The following CATSPERE variants were observed in gnomAD, a reference collection of about 807,000 sequenced individuals.
CATSPERE encodes cation channel sperm-associated auxiliary subunit epsilon.
Under a neutral mutation model 114.1 loss-of-function variants are expected in CATSPERE, and 93 were observed. The ratio of observed to expected loss-of-function variants is 0.81; its 90% CI spans 0.69 to 0.97. The LOEUF (loss-of-function observed/expected upper bound fraction) is 0.97. CATSPERE is among the 50% of genes least tolerant of loss of function. The pLI is 0.00. For missense variants in CATSPERE, 1,058 were observed against 1,131.6 expected (o/e 0.93, Z 0.93); for synonymous variants, 341 against 384.1 (o/e 0.89, Z 1.31).
chr1:244,535,216 T>G (rs3123464), intron 8 of CATSPERE, among the ~76,000 whole-genome samples: 132,511 of 151,984 alleles, frequency 0.87, 58,693 homozygotes, highest in East Asian at 1. Flanking sequence ...CAGACCTGAA[T>G]CTTGCATAGC....
At chr1:244,556,456 A>ATT (rs1168454658) in intron 9 of CATSPERE, among the ~76,000 whole-genome samples, 2 of 152,216 alleles carry the variant, frequency 1.3e-5, no homozygotes, top group African/African-American at 4.8e-5. Context: ...ACTAATTAAA[A>ATT]GGCAGAGATT....
chr1:244,582,644 C>T (rs190074376), intron 12 of CATSPERE, among the ~76,000 whole-genome samples: 13 of 152,166 alleles, frequency 8.5e-5, no homozygotes, highest in East Asian at 1.9e-4. Context: ...TCAGGTGATC[C>T]GCCCACCTTG....
upstream of CATSPERE, among the ~76,000 whole-genome samples, chr1:244,453,280 A>G (rs1665792395): frequency 6.6e-6 from 1 of 152,230 alleles, no homozygotes; most frequent in Admixed American, 6.5e-5. Flanking sequence ...TGCCCGAGGT[A>G]GTGTTGGGCA....
Position 244,490,458 on chromosome 1 carries a change from A to G in CATSPERE, c.338A>G (p.Asn113Ser). ...CTTTTTCCAAGCAGACATTTCTTTAACAACTTTACCCAGGTAAAATATTTT... is the reference window on the plus strand; with the variant it reads ...CTTTTTCCAAGCAGACATTTCTTTAGCAACTTTACCCAGGTAAAATATTTT... The part of the protein sequence containing the change: ...LWYYRVRHFF[N>S]NFTQLITVWA... Residue 113 changes from asparagine to serine, a missense_variant, in exon 6 of 22, where the codon AAC (asparagine) becomes AGC (serine). Asn to Ser is a conservative substitution (Grantham distance 46). This residue lies in a region of CATSPERE where 271 missense variants were observed against 225.9 expected (regional missense o/e 1.20). Coordinates refer to ENST00000366534, the MANE Select transcript of CATSPERE (RefSeq NM_001130957.2). 6.5e-7 allele frequency: 1 copy of G among 1,542,356 alleles called. No individual in the cohort carries two copies. Among genetic ancestry groups the G allele is most frequent in the Non-Finnish European group, 8.9e-7 (1 of 1,118,432 alleles).
At chr1:244,582,955 ATATATATATATATATATATAT>A (rs1666442360) in intron 12 of CATSPERE, among the ~76,000 whole-genome samples, 54 of 2,178 alleles carry the variant, frequency 0.025, 1 homozygote, top group African/African-American at 0.047. Context: ...ATATATATAT[ATATATATATATATATATATAT>A]AAATCAGTGA....
chr1:244,578,459 AC>A (rs1437773981), intron 11 of CATSPERE, among the ~76,000 whole-genome samples: 1 of 152,010 alleles, frequency 6.6e-6, no homozygotes, highest in Non-Finnish European at 1.5e-5. Flanking sequence ...CCGTGGTATA[AC>A]TTTTGACTCC....
At chr1:244,590,629 C>G (rs900541136) in intron 14 of CATSPERE, among the ~76,000 whole-genome samples, 1 of 152,204 alleles carries the variant, frequency 6.6e-6, no homozygotes, top group South Asian at 2.1e-4. Flanking sequence ...CCATAATCTG[C>G]TGTCTCAAAA....
At chr1:244,464,388 C>T (rs1667267979) in intron 2 of CATSPERE, among the ~76,000 whole-genome samples, 1 of 152,158 alleles carries the variant, frequency 6.6e-6, no homozygotes, top group Non-Finnish European at 1.5e-5. Flanking sequence ...TTCTTATCTG[C>T]CTAATTACTG....
rs149890053 is a variant in CATSPERE, at chr1:244,490,467, C to A, written c.347C>A (p.Thr116Asn). 4.9e-5 allele frequency: 75 copies of A among 1,527,762 alleles called. No individual in the cohort carries two copies. In the African/African-American group the frequency reaches 9.5e-4, roughly 19 times the overall value. 94.6% of individuals were successfully genotyped at this position (1,527,762 alleles called of 1,614,324 possible). ...AGCAGACATTTCTTTAACAACTTTA[C>A]CCAGGTAAAATATTTTTTAAATTTT... is the stretch of plus-strand genomic sequence containing the variant. ...YRVRHFFNNFTQLITVWAYDP... is the reference protein window; with the variant it reads ...YRVRHFFNNFNQLITVWAYDP... The change falls in exon 6 of 22, where the codon ACC becomes AAC. Residue 116 changes from threonine (T) to asparagine (N), a missense_variant. By Grantham distance (65) the Thr-to-Asn change is moderately conservative. Coordinates refer to ENST00000366534, the MANE Select transcript of CATSPERE (RefSeq NM_001130957.2).
intron 14 of CATSPERE, 117 bp from the exon 15 acceptor site, chr1:244,591,564 G>A (rs1459105160): frequency 1.7e-6 from 1 of 593,094 alleles, no homozygotes. Context: ...TTCTAATTCA[G>A]TAAATGATGA....
intron 21 of CATSPERE, among the ~76,000 whole-genome samples, chr1:244,636,299 G>GTT (rs58917371): frequency 1.3e-5 from 2 of 151,752 alleles, no homozygotes; most frequent in African/African-American, 4.8e-5. Context: ...TGTTTGATGG[G>GTT]TTTTTTTTGC....
intron 9 of CATSPERE, among the ~76,000 whole-genome samples, chr1:244,553,602 T>TATATACATAC (rs1661044659): frequency 1.1e-5 from 1 of 91,950 alleles, no homozygotes; most frequent in African/African-American, 5.1e-5. Flanking sequence ...AAAAAAAAAA[T>TATATACATAC]ACACACACAC....
chr1:244,552,348 CA>C lies in CATSPERE; in HGVS notation c.567del (p.Asp190MetfsTer4), dbSNP rs1161399650. 1 of 1,612,100 alleles carries C rather than the reference CA, an allele frequency of 6.2e-7. No homozygotes were observed. The highest frequency in any genetic ancestry group is 8.5e-7 in the Non-Finnish European group (1 of 1,179,118). On this transcript the variant is annotated frameshift_variant, in exon 9 of 22. Coordinates refer to ENST00000366534, the MANE Select transcript of CATSPERE (RefSeq NM_001130957.2). LOFTEE classifies it high-confidence loss of function. Reference protein sequence around the residue: ...RGTWRIVVPMTKDDALKEIRG... With the variant: ...RGTWRIVVPMXKDDALKEIRG... Reference sequence around the variant, plus strand: ...ACCTGGCGTATTGTAGTACCAATGACAAAAGATGATGCACTAAAGGAGATTA... The same window carrying C: ...ACCTGGCGTATTGTAGTACCAATGACAAAGATGATGCACTAAAGGAGATTA...
At chr1:244,514,456 T>C (rs1054657151) in intron 7 of CATSPERE, among the ~76,000 whole-genome samples, 10 of 152,206 alleles carry the variant, frequency 6.6e-5, no homozygotes, top group African/African-American at 1.7e-4. Flanking sequence ...GTATTCACTC[T>C]TGTGTTCTGG....
chr1:244,618,584 C>A (rs1671686143), intron 20 of CATSPERE, among the ~76,000 whole-genome samples: 1 of 128,744 alleles, frequency 7.8e-6, no homozygotes, highest in African/African-American at 3.0e-5. Context: ...AGTTCAAGAC[C>A]AGCTTGACCA....
chr1:244,559,684 T>G (rs1662246653), intron 9 of CATSPERE, among the ~76,000 whole-genome samples: 1 of 152,116 alleles, frequency 6.6e-6, no homozygotes. Flanking sequence ...AATCTAGAAT[T>G]CCAAAAATGA....
intron 15 of CATSPERE, among the ~76,000 whole-genome samples, chr1:244,592,528 A>G (rs575962772): frequency 6.6e-6 from 1 of 152,214 alleles, no homozygotes; most frequent in Non-Finnish European, 1.5e-5. Flanking sequence ...CTAATTAGAA[A>G]TTATTATTTA....
chr1:244,591,782 ATACTTTACAATCAG>A, intron 15 of CATSPERE, 51 bp downstream of exon 15: 1 of 1,067,494 alleles, frequency 9.4e-7, no homozygotes, highest in Non-Finnish European at 1.4e-6. Context: ...CGTAGTACCA[ATACTTTACAATCAG>A]TACTTATTCA....
chr1:244,610,263 GACA>G lies in CATSPERE; in HGVS notation c.2428_2430del (p.Thr810del), dbSNP rs1411331149. On this transcript the variant is annotated inframe_deletion, in exon 19 of 22. Transcript: ENST00000366534. ...AGAGTGGTTGTTTACATGAAGCACA[GACA>G]TGGAAGTCAATGATTGAACTTAACA... The G allele has an allele frequency of 6.2e-7, 1 of 1,612,022 alleles. No homozygotes were observed. The highest frequency in any genetic ancestry group is 1.1e-5 in the South Asian group (1 of 90,322).
Sources: gnomAD v4.1 joint callset for allele counts (sites outside exome capture counted in the v4.1 genomes callset) on GRCh38, gnomAD v4.1.1 for gene constraint, gnomAD v4.1.1 regional missense constraint, MANE v1.5 for transcripts, NCBI Gene and HGNC (gene_info 2026-07-23, HGNC 2026-07-21) for gene names.